The following ATP8B3 variants were observed in gnomAD, a reference collection of about 807,000 sequenced individuals.
ATP8B3 encodes the protein ATPase phospholipid transporting 8B3.
A neutral mutation model predicts 140.9 loss-of-function variants in ATP8B3; 141 were observed. The observed-to-expected ratio is 1.00, with a 90% CI of 0.87 to 1.15. ATP8B3 has a LOEUF of 1.15. ATP8B3 is among the 50% of genes most tolerant of loss of function. The pLI, the probability that ATP8B3 is intolerant of heterozygous loss-of-function variation, is 0.00. For missense variants in ATP8B3, 1,874 were observed against 1,740.6 expected, an observed-to-expected ratio of 1.08 and a Z score of -1.36; for synonymous variants, 765 against 714.6, an observed-to-expected ratio of 1.07 and a Z score of -1.13.
Position 1,806,543 on chromosome 19 carries a change from T to G in ATP8B3, c.677+85A>C. ...CCGGGAGATCAGGGAGCACGGAAGGTGATGGACACTTGCCGAGGCCGATGA... is the reference window on the plus strand; with the variant it reads ...CCGGGAGATCAGGGAGCACGGAAGGGGATGGACACTTGCCGAGGCCGATGA... On this transcript the variant is annotated intron_variant, in intron 7 of 28. Transcript: ENST00000310127. The surrounding 1 kb of genome is among the most constrained non-coding windows in gnomAD (Gnocchi z 5.6). 6.5e-7 allele frequency: 1 copy of G among 1,536,546 alleles called. No individual in the cohort carries two copies. Among genetic ancestry groups the G allele is most frequent in the Non-Finnish European group, 8.8e-7 (1 of 1,142,364 alleles).
Position 1,806,636 on chromosome 19 carries a change from C to T in ATP8B3, c.669G>A (p.Met223Ile), listed in dbSNP as rs1327896725. 1 of 1,559,498 alleles carries T rather than the reference C, an allele frequency of 6.4e-7. No individual in the cohort carries two copies. The highest frequency in any genetic ancestry group is 8.7e-7 in the Non-Finnish European group (1 of 1,151,934). ...TGCAGCCCCAGCCTCACCTCTTCCC[C>T]ATCAGAATCTGGCAGGGTCTGTTGT... ...AINNRPCQIL[M>I]GKSFKQKKWQ... The change falls in exon 7 of 29, where the codon ATG (methionine) becomes ATA (isoleucine). Residue 223 changes from methionine (M) to isoleucine (I), a missense_variant. Met to Ile is a conservative substitution (Grantham distance 10). Transcript: ENST00000310127. The surrounding 1 kb of genome is among the most constrained non-coding windows in gnomAD (Gnocchi z 5.6).
rs1303440729 is a variant in ATP8B3, at chr19:1,806,754, C to G, written c.616-65G>C. 7.2e-6 allele frequency: 11 copies of G among 1,517,894 alleles called. No individual in the cohort carries two copies. Among genetic ancestry groups the G allele is most frequent in the Non-Finnish European group, 9.8e-6 (11 of 1,118,290 alleles). 94.0% of individuals were successfully genotyped at this position (1,517,894 alleles called of 1,614,324 possible). A position where few individuals can be genotyped will look rare whatever the true frequency, so the allele number is the denominator to read the frequency against. On this transcript the variant is annotated intron_variant, in intron 6 of 28. Coordinates refer to ENST00000310127, the MANE Select transcript of ATP8B3 (RefSeq NM_138813.4). The surrounding 1 kb of genome is among the most constrained non-coding windows in gnomAD (Gnocchi z 5.6). ...TCTCCTGCCCCCGCCCAGGCCGCTG[C>G]CGCACTGCAGCCCAGCAGTGCCCGC...
rs555566874 is a variant in ATP8B3, at chr19:1,809,566, G to A, written c.402+77C>T. ...AAATACAAGCAGAGGCAGGACTCAG[G>A]AGGAGCAAAAAATAGATTCCCCGAG... On this transcript the variant is annotated intron_variant, in intron 4 of 28. Coordinates refer to ENST00000310127, the MANE Select transcript of ATP8B3 (RefSeq NM_138813.4). 1.2e-5 allele frequency: 16 copies of A among 1,289,742 alleles called. No homozygotes were observed. In the Admixed American group the frequency reaches 3.2e-4, roughly 25 times the overall value. The allele number at this position is 1,289,742 out of a possible 1,614,324, so 79.9% of individuals were successfully genotyped here.
intron 2 of ATP8B3, 121 bp downstream of exon 2, chr19:1,811,368 A>C: frequency 7.2e-7 from 1 of 1,392,244 alleles, no homozygotes; most frequent in African/African-American, 1.4e-5. Context: ...GCCCCCTATG[A>C]GGATGGGCAA....
chr19:1,793,391 A>G (rs2068575020), intron 18 of ATP8B3, among the ~76,000 whole-genome samples: 2 of 152,316 alleles, frequency 1.3e-5, no homozygotes, highest in South Asian at 4.1e-4. Context: ...AGAAGCCACC[A>G]CACCTGGCCT....
At position 1,809,800 on chromosome 19, in the gene ATP8B3, C is replaced by T. The variant is rs779580510; in HGVS notation, c.311-66G>A. On this transcript the variant is annotated intron_variant, in intron 3 of 28. Transcript: ENST00000310127. ...AGGACAAACACCCCTAATGACCGCC[C>T]GGAGGAGGGCTCATGGGGCCCGTGG... 536 of 1,441,260 alleles carry T rather than the reference C, an allele frequency of 3.7e-4. 2 individuals carry two copies. The highest frequency in any genetic ancestry group is 4.8e-4 in the Non-Finnish European group (510 of 1,052,760). The allele number at this position is 1,441,260 out of a possible 1,614,324, so 89.3% of individuals were successfully genotyped here. A position where few individuals can be genotyped will look rare whatever the true frequency, so the allele number is the denominator to read the frequency against.
At chr19:1,812,080 G>T (rs986782018) in intron 1 of ATP8B3, 106 bp downstream of exon 1, 26 of 242,390 alleles carry the variant, frequency 1.1e-4, no homozygotes, top group Non-Finnish European at 7.9e-6. Flanking sequence ...CTAGGGGCGC[G>T]CTCTCCACCC....
In ATP8B3 at chr19:1,783,180, T is replaced by TG. The variant is rs1568611720; in HGVS notation, c.3750dup (p.Ser1251GlnfsTer8). 2 of 1,613,626 alleles carry TG rather than the reference T, an allele frequency of 1.2e-6. No individual in the cohort carries two copies. The highest frequency in any genetic ancestry group is 3.3e-5 in the Admixed American group (2 of 59,988). On this transcript the variant is annotated frameshift_variant, in exon 29 of 29. Coordinates refer to ENST00000310127, the MANE Select transcript of ATP8B3 (RefSeq NM_138813.4). LOFTEE classifies it low-confidence loss of function (END_TRUNC). ...CCCTCACGGTGGGAGAAAGCATAGC[T>TG]GGAACGGCGGGCACGAGACTCCCGG...
At position 1,805,117 on chromosome 19, in the gene ATP8B3, C is replaced by T. The variant is rs536010126; in HGVS notation, c.904+257G>A. On this transcript the variant is annotated intron_variant, in intron 10 of 28. Transcript: ENST00000310127. The surrounding 1 kb of genome is among the most constrained non-coding windows in gnomAD (Gnocchi z 5.2). ...CAGCCTCCCAAGTAGCTGGGACCAC[C>T]GGCATGTGCCACCACGCCCAGCTAC... The T allele has an allele frequency of 2.9e-4, 130 of 455,938 alleles. No individual in the cohort carries two copies. The highest frequency in any genetic ancestry group is 2.3e-3 in the African/African-American group (114 of 50,356). The allele number at this position is 455,938 out of a possible 1,614,324, so 28.2% of individuals were successfully genotyped here.
chr19:1,793,837 G>T (rs2068589893), intron 18 of ATP8B3, among the ~76,000 whole-genome samples: 1 of 151,444 alleles, frequency 6.6e-6, no homozygotes, highest in South Asian at 2.1e-4. Flanking sequence ...CTGCCTCCCG[G>T]GTTCAAGCGA....
At chr19:1,788,842 G>A (rs907804042) in intron 24 of ATP8B3, 55 bp downstream of exon 24, 4 of 1,478,266 alleles carry the variant, frequency 2.7e-6, no homozygotes, top group African/African-American at 2.8e-5. Flanking sequence ...GCTATGGGAG[G>A]GGCAGGGCAT....
In ATP8B3 at chr19:1,792,103, G is replaced by T; in HGVS notation, c.2088C>A (p.Cys696Ter). 1 of 1,576,422 alleles carries T rather than the reference G, an allele frequency of 6.3e-7. No homozygotes were observed. Among genetic ancestry groups the T allele is most frequent in the Non-Finnish European group, 8.6e-7 (1 of 1,166,028 alleles). Residue 696 changes from cysteine to a stop codon, truncating the protein, a stop_gained, in exon 19 of 29, where the codon TGC (cysteine) becomes TGA (stop). Transcript: ENST00000310127. LOFTEE classifies it high-confidence loss of function. The stretch of plus-strand genomic sequence containing the variant: ...CCTCAGCCACCTCCCTGTAGGCCAG[G>T]CACAGTGTCCGCAGGGTCTCCTGGG... ...AFAQETLRTL[C>*]LAYREVAEDI...
rs373426989 is a variant in ATP8B3 at position 1,784,160 on chromosome 19, C to A, written c.3660+659G>T. On this transcript the variant is annotated intron_variant, in intron 28 of 28. Coordinates refer to ENST00000310127, the MANE Select transcript of ATP8B3 (RefSeq NM_138813.4). ...TTCTAAGTTCCTCCTTTTGCCTAAA[C>A]CATTTCAAGGTTGTTTCCGTCATCT... 3.3e-4 allele frequency among the ~76,000 whole-genome samples: 51 copies of A among 152,244 alleles called. 1 individual carries two copies. The South Asian group carries it at 0.01, about 30-fold the overall frequency.
chr19:1,808,361 G>C, intron 4 of ATP8B3, 26 bp from the exon 5 acceptor site: 1 of 1,578,304 alleles, frequency 6.3e-7, no homozygotes, highest in Non-Finnish European at 8.7e-7. Flanking sequence ...CGGGCTGCCT[G>C]GCAGAGGGGT....
intron 24 of ATP8B3, among the ~76,000 whole-genome samples, chr19:1,788,114 T>C (rs575709532): frequency 5.9e-5 from 9 of 152,284 alleles, no homozygotes; most frequent in Non-Finnish European, 8.8e-5. Context: ...AAGCTCCCTC[T>C]CAAATGCCCA....
chr19:1,791,874 G>A lies in ATP8B3; in HGVS notation c.2191-13C>T, dbSNP rs575509740. ...TGGCTCCCAGCAGCTGGTGGGGGAG[G>A]AGGGCAGGGCGGGGAAGATGCTGAG... is the stretch of plus-strand genomic sequence containing the variant. On this transcript the variant is annotated splice_polypyrimidine_tract_variant and intron_variant, in intron 19 of 28. Transcript: ENST00000310127. 1 of 1,609,600 alleles carries A rather than the reference G, an allele frequency of 6.2e-7. No individual in the cohort carries two copies. The highest frequency in any genetic ancestry group is 1.3e-5 in the African/African-American group (1 of 75,026).
intron 14 of ATP8B3, chr19:1,798,937 G>A (rs1444719143): frequency 6.6e-6 from 1 of 151,808 alleles, no homozygotes; most frequent in African/African-American, 2.4e-5. Flanking sequence ...AAGCCCAGGA[G>A]TTCAAGACCA....
In ATP8B3 at chr19:1,801,932, C is replaced by T. The variant is rs575134960; in HGVS notation, c.1152+24G>A. ...CCTGCACTCCTCTGTGTTCCTGGGG[C>T]AGGGGCACTTGTTGGCAGCTCACCA... On this transcript the variant is annotated intron_variant, in intron 12 of 28. Coordinates refer to ENST00000310127, the MANE Select transcript of ATP8B3 (RefSeq NM_138813.4). The T allele has an allele frequency of 1.0e-5, 16 of 1,579,038 alleles. No homozygotes were observed. In the East Asian group the frequency reaches 1.8e-4, roughly 18 times the overall value.
In ATP8B3 at chr19:1,811,633, T is replaced by A. The variant is rs766857286; in HGVS notation, c.104A>T (p.Gln35Leu). The change falls in exon 2 of 29, where the codon CAG (glutamine) becomes CTG (leucine). Residue 35 changes from glutamine to leucine, a missense_variant. Physicochemically the swap from Gln to Leu is moderately radical, Grantham distance 113. This residue lies in a region of ATP8B3 where 1,032 missense variants were observed against 963.6 expected (regional missense o/e 1.07). Coordinates refer to ENST00000310127, the MANE Select transcript of ATP8B3 (RefSeq NM_138813.4). ...PGDTGDSDVT[Q>L]EGSGPAGIRG... The stretch of plus-strand genomic sequence containing the variant: ...GATGCCAGCAGGACCTGAGCCTTCC[T>A]GAGTCACGTCTGAGTCACCCGTGTC... 11 of 1,611,656 alleles carry A rather than the reference T, an allele frequency of 6.8e-6. No homozygotes were observed. The highest frequency in any genetic ancestry group is 2.2e-5 in the South Asian group (2 of 91,060).
Sources: gnomAD v4.1 joint callset for allele counts (sites outside exome capture counted in the v4.1 genomes callset) on GRCh38, gnomAD v4.1.1 for gene constraint, gnomAD v4.1.1 regional missense constraint, Gnocchi (gnomAD v3.1) non-coding constraint, MANE v1.5 for transcripts, NCBI Gene and HGNC (gene_info 2026-07-23, HGNC 2026-07-21) for gene names.